RBM38: variants seen among roughly 807,000 people sequenced by gnomAD.
RBM38 encodes RNA binding motif protein 38.
Under a neutral mutation model 23.5 loss-of-function variants are expected in RBM38, and 11 were observed. The observed-to-expected ratio is 0.47, with a 90% confidence interval of 0.29 to 0.77. The LOEUF is 0.77. RBM38 is among the 30% of genes least tolerant of loss of function. RBM38 has a pLI of 0.08. For synonymous variants in RBM38, 165 were observed against 166.1 expected, an observed-to-expected ratio of 0.99 and a Z score of 0.05; for missense variants, 330 against 351.9, an observed-to-expected ratio of 0.94 and a Z score of 0.50.
chr20:57,394,538 G>A (rs2067255050), intron 3 of RBM38, among the ~76,000 whole-genome samples: 1 of 152,204 alleles, frequency 6.6e-6, no homozygotes, highest in African/African-American at 2.4e-5. Flanking sequence ...GCCTGTGCGA[G>A]TGGCCGGGCA....
intron 1 of RBM38, 135 bp from the exon 2 acceptor site, chr20:57,392,519 A>G: frequency 6.6e-7 from 1 of 1,525,690 alleles, no homozygotes; most frequent in Non-Finnish European, 8.8e-7. Context: ...CTTTGGCTCA[A>G]GGACCCTGGG....
intron 3 of RBM38, among the ~76,000 whole-genome samples, chr20:57,406,345 A>T (rs1487978827): frequency 6.6e-6 from 1 of 152,118 alleles, no homozygotes; most frequent in Admixed American, 6.5e-5. Flanking sequence ...GCAGGCAGGA[A>T]GTGTTGGCCT....
At chr20:57,406,530 C>G (rs1473941458) in intron 3 of RBM38, among the ~76,000 whole-genome samples, 2 of 152,176 alleles carry the variant, frequency 1.3e-5, no homozygotes, top group Admixed American at 6.5e-5. Context: ...CGCACCCAGT[C>G]ACAGTACGGG....
intron 3 of RBM38, among the ~76,000 whole-genome samples, chr20:57,395,825 C>T (rs1240314326): frequency 6.6e-6 from 1 of 152,198 alleles, no homozygotes; most frequent in Non-Finnish European, 1.5e-5. Context: ...TGTGAACAAT[C>T]AGGCCCCGGG....
At chr20:57,392,561 G>A (rs1260438226) in intron 1 of RBM38, 93 bp from the exon 2 acceptor site, 3 of 1,516,996 alleles carry the variant, frequency 2.0e-6, no homozygotes, top group Non-Finnish European at 2.7e-6. Flanking sequence ...GGGAAGAGAG[G>A]GGTGGCAGCA....
intron 3 of RBM38, among the ~76,000 whole-genome samples, chr20:57,395,958 C>T (rs754973137): frequency 4.6e-5 from 7 of 152,208 alleles, no homozygotes; most frequent in Non-Finnish European, 8.8e-5. Context: ...GGTTGTCCAC[C>T]AGTTAACCCC....
chr20:57,407,441 G>T lies in RBM38; in HGVS notation c.417-102G>T. 3 of 1,342,480 alleles carry T rather than the reference G, an allele frequency of 2.2e-6. No individual in the cohort carries two copies. The highest frequency in any genetic ancestry group is 2.0e-6 in the Non-Finnish European group (2 of 975,678). The allele number at this position is 1,342,480 out of a possible 1,614,324, so 83.2% of individuals were successfully genotyped here. A position where few individuals can be genotyped will look rare whatever the true frequency, so the allele number is the denominator to read the frequency against. ...CCCATCTGACCGATGAGGAAAGTCGGGGCTCGGGGTGGGGGGCGGCACGCA... is the reference window on the plus strand; with the variant it reads ...CCCATCTGACCGATGAGGAAAGTCGTGGCTCGGGGTGGGGGGCGGCACGCA... On this transcript the variant is annotated intron_variant, in intron 3 of 3. Transcript: ENST00000356208. This position sits in a 1 kb window ranked among gnomAD's most constrained non-coding sequence, Gnocchi z 4.0.
intron 3 of RBM38, among the ~76,000 whole-genome samples, chr20:57,395,049 G>A (rs963005214): frequency 9.2e-5 from 14 of 152,192 alleles, no homozygotes; most frequent in Non-Finnish European, 1.6e-4. Flanking sequence ...ATCCTCATCC[G>A]GAAAACAGGA....
chr20:57,393,568 C>T (rs1332092811), intron 3 of RBM38, among the ~76,000 whole-genome samples: 2 of 152,210 alleles, frequency 1.3e-5, no homozygotes, highest in Admixed American at 6.5e-5. Flanking sequence ...CCCCAGCTCC[C>T]TTCGCTAGGT....
At chr20:57,394,283 G>A (rs970224441) in intron 3 of RBM38, among the ~76,000 whole-genome samples, 3 of 151,264 alleles carry the variant, frequency 2.0e-5, no homozygotes, top group Non-Finnish European at 4.4e-5. Flanking sequence ...CTGGGGCAGT[G>A]TGGACAAGGA....
Position 57,392,012 on chromosome 20 carries a change from G to GCCCCCACCCCCA in RBM38, c.237+218_237+229dup, listed in dbSNP as rs539739783. 6.8e-4 allele frequency among the ~76,000 whole-genome samples: 54 copies of GCCCCCACCCCCA among 79,640 alleles called. 1 individual carries two copies. The highest frequency in any genetic ancestry group is 9.0e-4 in the Non-Finnish European group (37 of 40,944). 52.2% of individuals were successfully genotyped at this position (79,640 alleles called of 152,430 possible). A position where few individuals can be genotyped will look rare whatever the true frequency, so the allele number is the denominator to read the frequency against. On this transcript the variant is annotated intron_variant, in intron 1 of 3. Transcript: ENST00000356208. ...CCCGCCCCCACCACCCCAGGCCCCG[G>GCCCCCACCCCCA]CCCCCACCCCCACCCCCACCCCCAC...
intron 3 of RBM38, among the ~76,000 whole-genome samples, chr20:57,397,711 C>G (rs142820627): frequency 6.6e-6 from 1 of 152,232 alleles, no homozygotes; most frequent in Non-Finnish European, 1.5e-5. Context: ...AGAATGTCGA[C>G]AGCTACTCCC....
At position 57,407,073 on chromosome 20, in the gene RBM38, GT is replaced by G. The variant is rs1208601472; in HGVS notation, c.417-469del. Among the ~76,000 whole-genome samples, 1 of 151,902 alleles carries G rather than the reference GT, an allele frequency of 6.6e-6. No individual in the cohort carries two copies. The highest frequency in any genetic ancestry group is 6.5e-5 in the Admixed American group (1 of 15,276). ...GGCGTGTACATGAGCCAAGTGTGCAGTGTCACTTGGTGGGTGTTGAGTGTCA... is the reference window on the plus strand; with the variant it reads ...GGCGTGTACATGAGCCAAGTGTGCAGGTCACTTGGTGGGTGTTGAGTGTCA... On this transcript the variant is annotated intron_variant, in intron 3 of 3. Coordinates refer to ENST00000356208, the MANE Select transcript of RBM38 (RefSeq NM_017495.6). The surrounding 1 kb of genome is among the most constrained non-coding windows in gnomAD (Gnocchi z 4.0).
intron 3 of RBM38, among the ~76,000 whole-genome samples, chr20:57,405,422 G>A (rs896361698): frequency 1.3e-5 from 2 of 152,244 alleles, no homozygotes; most frequent in African/African-American, 4.8e-5. Context: ...TCTAACCTGG[G>A]GAGAGGGACA....
rs775250720 is a variant in RBM38 at position 57,407,624 on chromosome 20, C to T, written c.498C>T (p.Ser166=). ...VIPAAPVPSL[S]SPYIEYTPAS... ...CAGCCGCCCCTGTCCCGTCGCTGTC[C>T]TCGCCCTACATTGAGTACACGCCGG... Residue 166 remains serine, a synonymous_variant, in exon 4 of 4, where the codon TCC becomes TCT. Coordinates refer to ENST00000356208, the MANE Select transcript of RBM38 (RefSeq NM_017495.6). The surrounding 1 kb of genome is among the most constrained non-coding windows in gnomAD (Gnocchi z 4.0). 11 of 1,613,732 alleles carry T rather than the reference C, an allele frequency of 6.8e-6. No individual in the cohort carries two copies. The highest frequency in any genetic ancestry group is 1.1e-5 in the South Asian group (1 of 91,078).
At chr20:57,395,333 G>T (rs2067262972) in intron 3 of RBM38, among the ~76,000 whole-genome samples, 1 of 152,162 alleles carries the variant, frequency 6.6e-6, no homozygotes, top group Admixed American at 6.5e-5. Context: ...CTTGGTGGGG[G>T]ACGGTGGGAA....
At chr20:57,395,518 G>C (rs1034830751) in intron 3 of RBM38, among the ~76,000 whole-genome samples, 2 of 152,172 alleles carry the variant, frequency 1.3e-5, no homozygotes, top group Non-Finnish European at 2.9e-5. Flanking sequence ...TGAAGAGGCC[G>C]CAGACTCTAT....
At chr20:57,404,898 G>A (rs1290574994) in intron 3 of RBM38, among the ~76,000 whole-genome samples, 1 of 152,242 alleles carries the variant, frequency 6.6e-6, no homozygotes, top group African/African-American at 2.4e-5. Context: ...GGCATGGGCC[G>A]GCACCAGGGT....
chr20:57,400,161 G>T (rs952622474), intron 3 of RBM38, among the ~76,000 whole-genome samples: 1 of 152,186 alleles, frequency 6.6e-6, no homozygotes, highest in African/African-American at 2.4e-5. Context: ...GGCCGGAGGG[G>T]CTGAGTGATG....
Sources: allele counts gnomAD v4.1 joint callset (sites outside exome capture counted in the v4.1 genomes callset), GRCh38; gene constraint gnomAD v4.1.1; non-coding constraint Gnocchi (gnomAD v3.1); transcripts MANE v1.5; gene names NCBI Gene and HGNC (gene_info 2026-07-23, HGNC 2026-07-21).